SLC8A1: variants seen among roughly 807,000 people sequenced by gnomAD.
SLC8A1 encodes the protein sodium/calcium exchanger 1.
SLC8A1 carries 18 observed loss-of-function variants against 68.3 expected under a neutral mutation model. The ratio of observed to expected loss-of-function variants is 0.26; its 90% confidence interval spans 0.18 to 0.39. SLC8A1 has a LOEUF of 0.39. Among genes scored for constraint, SLC8A1 ranks in the 10% least tolerant of loss-of-function variants. SLC8A1 has a pLI of 1.00. For synonymous variants in SLC8A1, 475 were observed against 415.5 expected (o/e 1.14, Z -1.74); for missense variants, 985 against 1,156.7 (o/e 0.85, Z 2.15).
At chr2:40,147,873 G>A (rs970126442) in intron 6 of SLC8A1, among the ~76,000 whole-genome samples, 5 of 152,164 alleles carry the variant, frequency 3.3e-5, no homozygotes, top group African/African-American at 1.2e-4. Flanking sequence ...AGGTAAAAGT[G>A]TACATCCCAC....
chr2:40,098,832 C>T (rs1021149387), exon 8 of SLC8A1: 8 of 151,888 alleles, frequency 5.3e-5, no homozygotes, highest in East Asian at 1.9e-4. Flanking sequence ...TAGGGTGTTT[C>T]TTACAATCAC....
intron 2 of SLC8A1, among the ~76,000 whole-genome samples, chr2:40,218,515 C>G (rs1452675712): frequency 6.6e-6 from 1 of 151,964 alleles, no homozygotes; most frequent in Non-Finnish European, 1.5e-5. Flanking sequence ...ACTATTTTGC[C>G]ATTACTTTTA....
At chr2:40,478,882 A>G (rs1209440035) in intron 1 of SLC8A1, among the ~76,000 whole-genome samples, 1 of 151,416 alleles carries the variant, frequency 6.6e-6, no homozygotes, top group East Asian at 1.9e-4. Context: ...AGCAATTCTC[A>G]TGCCTCAGCC....
At chr2:40,158,107 T>C (rs1162614202) in intron 6 of SLC8A1, among the ~76,000 whole-genome samples, 1 of 152,200 alleles carries the variant, frequency 6.6e-6, no homozygotes, top group Non-Finnish European at 1.5e-5. Flanking sequence ...GAAAATTGCA[T>C]AGCAAAGAAA....
exon 8 of SLC8A1, chr2:40,105,476 T>C (rs1244756596): frequency 1.3e-5 from 2 of 152,166 alleles, no homozygotes; most frequent in Non-Finnish European, 2.9e-5. Context: ...TTCTAAACAG[T>C]GATTAAGCAA....
chr2:40,331,469 T>C (rs2076399202), intron 2 of SLC8A1, among the ~76,000 whole-genome samples: 1 of 152,118 alleles, frequency 6.6e-6, no homozygotes, highest in African/African-American at 2.4e-5. Flanking sequence ...CCCGGGAGAA[T>C]AAAAAAGTGC....
At chr2:40,155,922 T>C (rs1297048696) in intron 6 of SLC8A1, among the ~76,000 whole-genome samples, 1 of 152,144 alleles carries the variant, frequency 6.6e-6, no homozygotes, top group Non-Finnish European at 1.5e-5. Context: ...TGTCTTCCCT[T>C]GTACTGTAGA....
intron 7 of SLC8A1, among the ~76,000 whole-genome samples, chr2:40,136,505 A>G (rs560561045): frequency 1.3e-3 from 196 of 152,322 alleles, no homozygotes; most frequent in African/African-American, 4.4e-3. Flanking sequence ...TAAGAATCCC[A>G]AAGTCTAACC....
chr2:40,310,765 T>C (rs547882611), intron 2 of SLC8A1, among the ~76,000 whole-genome samples: 13 of 152,202 alleles, frequency 8.5e-5, no homozygotes, highest in South Asian at 6.2e-4. Flanking sequence ...TTTTCCACAA[T>C]AGCTCACTGC....
chr2:40,138,700 C>T lies in SLC8A1; in HGVS notation c.2437+701G>A, dbSNP rs548645552. Among the ~76,000 whole-genome samples the T allele has an allele frequency of 3.0e-4, 45 of 152,194 alleles. No individual in the cohort carries two copies. The South Asian group carries it at 8.5e-3, about 29-fold the overall frequency. On this transcript the variant is annotated intron_variant, in intron 7 of 7. Coordinates refer to ENST00000406785, the Ensembl canonical transcript of SLC8A1. ...TAACAAGCTCTCAGGTAATTCTGATCCCCACCAAAGTTTGAAAATTATTGC... is the reference window on the plus strand; with the variant it reads ...TAACAAGCTCTCAGGTAATTCTGATTCCCACCAAAGTTTGAAAATTATTGC...
rs552002194 is a variant in SLC8A1 at position 40,463,510 on chromosome 2, C to T, written c.-24-33206G>A. On this transcript the variant is annotated intron_variant, in intron 1 of 7. Coordinates refer to the SLC8A1 transcript ENST00000402441. Reference sequence around the variant, plus strand: ...TTACTAAATTTTCTGCCCTTTTTCACTTCTCTCTCTCATACAAAATTTAGC... The same window carrying T: ...TTACTAAATTTTCTGCCCTTTTTCATTTCTCTCTCTCATACAAAATTTAGC... Among the ~76,000 whole-genome samples the T allele has an allele frequency of 2.7e-3, 413 of 152,228 alleles. 1 individual carries two copies. Among genetic ancestry groups the T allele is most frequent in the Non-Finnish European group, 4.9e-3 (330 of 68,004 alleles).
chr2:40,311,415 G>T (rs2073644713), intron 2 of SLC8A1, among the ~76,000 whole-genome samples: 1 of 144,674 alleles, frequency 6.9e-6, no homozygotes, highest in Non-Finnish European at 1.5e-5. Context: ...ATAGCCTTCA[G>T]ATTAGTCAAA....
intron 2 of SLC8A1, among the ~76,000 whole-genome samples, chr2:40,287,582 A>ATATGTGTGTGTGTGTGTG (rs1553475923): frequency 7.8e-6 from 1 of 127,480 alleles, no homozygotes; most frequent in African/African-American, 3.0e-5. Context: ...CAGAGGAATG[A>ATATGTGTGTGTGTGTGTG]TGTGTGTGTG....
At chr2:40,181,002 C>T (rs1286740136) in intron 2 of SLC8A1, among the ~76,000 whole-genome samples, 4 of 152,044 alleles carry the variant, frequency 2.6e-5, no homozygotes, top group Non-Finnish European at 5.9e-5. Flanking sequence ...TCTTATTGCC[C>T]AGGCTGGAGT....
chr2:40,423,811 AT>A lies in SLC8A1; in HGVS notation c.1808+4661del, dbSNP rs200977394. 5.8e-3 allele frequency among the ~76,000 whole-genome samples: 887 copies of A among 152,106 alleles called. 5 individuals are homozygous for A. Among genetic ancestry groups the A allele is most frequent in the Non-Finnish European group, 9.9e-3 (674 of 67,876 alleles). ...TGTTTTTTGGCTCTTATCCTATCTT[AT>A]TTTTATAATAGCTATGCATTCAGAA... On this transcript the variant is annotated intron_variant, in intron 2 of 7. Coordinates refer to ENST00000406785, the Ensembl canonical transcript of SLC8A1.
At chr2:40,308,608 A>G (rs1466728350) in intron 2 of SLC8A1, among the ~76,000 whole-genome samples, 7 of 151,940 alleles carry the variant, frequency 4.6e-5, no homozygotes, top group Non-Finnish European at 7.4e-5. Flanking sequence ...TCATAGTGCT[A>G]TACTTTACTC....
At chr2:40,397,164 C>A (rs1687241771) in intron 2 of SLC8A1, among the ~76,000 whole-genome samples, 2 of 152,296 alleles carry the variant, frequency 1.3e-5, no homozygotes, top group South Asian at 4.1e-4. Flanking sequence ...TAATTCCTGG[C>A]ACATAGTAGA....
intron 2 of SLC8A1, among the ~76,000 whole-genome samples, chr2:40,321,331 C>T (rs1156672175): frequency 6.6e-6 from 1 of 151,928 alleles, no homozygotes; most frequent in African/African-American, 2.4e-5. Flanking sequence ...CCAGTATAAC[C>T]ATGTATATCA....
intron 2 of SLC8A1, among the ~76,000 whole-genome samples, chr2:40,252,524 G>A (rs1340882408): frequency 6.6e-6 from 1 of 152,060 alleles, no homozygotes. Context: ...AGTAGAGACA[G>A]GGTTTCACCA....
Sources: gnomAD v4.1 joint callset for allele counts (sites outside exome capture counted in the v4.1 genomes callset) on GRCh38, gnomAD v4.1.1 for gene constraint, MANE v1.5 for transcripts, NCBI Gene and HGNC (gene_info 2026-07-23, HGNC 2026-07-21) for gene names.